Variants in DAPK3 observed in about 807,000 individuals in gnomAD.
The protein encoded by DAPK3 is death associated protein kinase 3.
In DAPK3, 24 loss-of-function variants were observed where a neutral mutation model predicts 30.6. That is an observed-to-expected ratio of 0.78 (90% CI 0.57 to 1.10). The LOEUF is 1.10. Among genes scored for constraint, DAPK3 ranks in the 50% least tolerant of loss-of-function variants. DAPK3 has a pLI of 0.00. For synonymous variants in DAPK3, 341 were observed against 284.0 expected (o/e 1.20, Z -2.02); for missense variants, 629 against 657.3 (o/e 0.96, Z 0.47).
chr19:3,968,858 T>G (rs765551614), intron 2 of DAPK3, among the ~76,000 whole-genome samples: 6 of 152,072 alleles, frequency 3.9e-5, no homozygotes, highest in Non-Finnish European at 7.4e-5. Flanking sequence ...ACTCACCAAA[T>G]AAGGCTGGAG....
intron 7 of DAPK3, among the ~76,000 whole-genome samples, chr19:3,960,474 C>T (rs1291113612): frequency 6.6e-6 from 1 of 152,030 alleles, no homozygotes; most frequent in East Asian, 1.9e-4. Flanking sequence ...TAAAAGTTTG[C>T]TAAAAACACA....
chr19:3,959,841 T>G, intron 8 of DAPK3: 2 of 664,572 alleles, frequency 3.0e-6, no homozygotes, highest in Non-Finnish European at 2.5e-6. Flanking sequence ...TCAGCCCCGT[T>G]GGACACACAC....
intron 7 of DAPK3, 122 bp from the exon 8 acceptor site, chr19:3,960,226 A>G: frequency 1.5e-6 from 1 of 652,484 alleles, no homozygotes; most frequent in Non-Finnish European, 2.8e-6. Context: ...TCAGCCAACC[A>G]CAGAAGCTGA....
At chr19:3,965,922 G>A (rs529286824) in intron 2 of DAPK3, among the ~76,000 whole-genome samples, 1 of 151,996 alleles carries the variant, frequency 6.6e-6, no homozygotes, top group South Asian at 2.1e-4. Context: ...CCAAGTAGGT[G>A]GGACTACAGG....
intron 6 of DAPK3, among the ~76,000 whole-genome samples, chr19:3,962,787 C>CGA (rs1555682288): frequency 1.5e-5 from 1 of 68,086 alleles, no homozygotes; most frequent in Non-Finnish European, 2.6e-5. Flanking sequence ...AACTCTGTCT[C>CGA]AAAAAAAAAA....
intron 1 of DAPK3, 45 bp from the exon 2 acceptor site, chr19:3,969,874 C>T (rs754957048): frequency 1.2e-5 from 8 of 641,748 alleles, no homozygotes; most frequent in Non-Finnish European, 2.0e-5. Context: ...TGAGACACCA[C>T]CCTTTTCTCC....
At chr19:3,966,660 C>T (rs150648283) in intron 2 of DAPK3, among the ~76,000 whole-genome samples, 1,674 of 152,254 alleles carry the variant, frequency 0.011, 33 homozygotes, top group African/African-American at 0.038. Flanking sequence ...ACTTCGGCCC[C>T]GGGGACACAG....
chr19:3,965,176 C>CCCCA (rs1173460640), intron 2 of DAPK3, among the ~76,000 whole-genome samples, 185 bp from the exon 3 acceptor site: 4 of 152,228 alleles, frequency 2.6e-5, no homozygotes, highest in Non-Finnish European at 4.4e-5. Flanking sequence ...TTCCTTAGCG[C>CCCCA]CCCACACCAT....
chr19:3,969,736 G>A lies in DAPK3; in HGVS notation c.-1C>T, dbSNP rs751377500. The A allele has an allele frequency of 1.2e-6, 2 of 1,610,578 alleles. No individual in the cohort carries two copies. The highest frequency in any genetic ancestry group is 2.2e-5 in the South Asian group (2 of 91,038). On this transcript the variant is annotated 5_prime_UTR_variant, in exon 2 of 9. Coordinates refer to ENST00000545797, the MANE Select transcript of DAPK3 (RefSeq NM_001348.3). The stretch of plus-strand genomic sequence containing the variant: ...CGTCCTCCTGCCTGAACGTGGACAT[G>A]GCGGCCGGTCCGCCTTCCAGCAGCT...
rs746378023 is a variant in DAPK3, at chr19:3,964,418, ACC to A, written c.424-47_424-46del. ...AGCAGGGAAAGCACGGGCCTCCCCCACCCTCACCCCCACGCTCCCCAAACCTC... is the reference window on the plus strand; with the variant it reads ...AGCAGGGAAAGCACGGGCCTCCCCCACTCACCCCCACGCTCCCCAAACCTC... On this transcript the variant is annotated intron_variant, in intron 3 of 8. Coordinates refer to ENST00000545797, the MANE Select transcript of DAPK3 (RefSeq NM_001348.3). 7 of 864,704 alleles carry A rather than the reference ACC, an allele frequency of 8.1e-6. No homozygotes were observed. In the African/African-American group the frequency reaches 9.9e-5, roughly 12 times the overall value. 53.6% of individuals were successfully genotyped at this position (864,704 alleles called of 1,614,324 possible). A position where few individuals can be genotyped will look rare whatever the true frequency, so the allele number is the denominator to read the frequency against.
At chr19:3,965,092 C>T in intron 2 of DAPK3, 101 bp from the exon 3 acceptor site, 7 of 669,846 alleles carry the variant, frequency 1.0e-5, no homozygotes, top group Non-Finnish European at 1.9e-5. Context: ...TTGGGCGCGG[C>T]CCTGCACCAG....
chr19:3,960,984 C>T (rs766517402), intron 7 of DAPK3, 25 bp downstream of exon 7: 28 of 1,611,072 alleles, frequency 1.7e-5, no homozygotes, highest in Admixed American at 3.3e-5. Context: ...TGTCCCACCC[C>T]GTGCCCCCTG....
chr19:3,968,737 G>C (rs1401677569), intron 2 of DAPK3, among the ~76,000 whole-genome samples: 1 of 152,208 alleles, frequency 6.6e-6, no homozygotes, highest in Non-Finnish European at 1.5e-5. Flanking sequence ...AGGGACCTCA[G>C]GATCCCAAAA....
In DAPK3 at chr19:3,966,693, A is replaced by T. The variant is rs549799676; in HGVS notation, c.63-1702T>A. On this transcript the variant is annotated intron_variant, in intron 2 of 8. Coordinates refer to ENST00000545797, the MANE Select transcript of DAPK3 (RefSeq NM_001348.3). ...CAGGGCACCATATGCACCAGCACCCAGTCACACCTGCGGCCGCTGCACACC... is the reference window on the plus strand; with the variant it reads ...CAGGGCACCATATGCACCAGCACCCTGTCACACCTGCGGCCGCTGCACACC... Among the ~76,000 whole-genome samples the T allele has an allele frequency of 1.6e-3, 238 of 152,304 alleles. 1 individual carries two copies. Among genetic ancestry groups the T allele is most frequent in the African/African-American group, 5.5e-3 (227 of 41,582 alleles).
At chr19:3,960,008 C>G in intron 8 of DAPK3, 51 bp downstream of exon 8, 2 of 1,031,578 alleles carry the variant, frequency 1.9e-6, no homozygotes, top group South Asian at 2.5e-5. Flanking sequence ...GGGACCCCAG[C>G]GAGAAGGCCA....
chr19:3,964,849 G>T lies in DAPK3; in HGVS notation c.205C>A (p.Arg69=), dbSNP rs759587748. The T allele has an allele frequency of 3.5e-5, 56 of 1,612,506 alleles. 1 individual carries two copies. The Admixed American group carries it at 5.0e-4, about 14-fold the overall frequency. Residue 69 remains arginine (R), a synonymous_variant, in exon 3 of 9, where the codon CGG becomes AGG. Transcript: ENST00000545797. ...EEIEREVNIL[R]EIRHPNIITL... ...ATGATGTTGGGGTGCCGGATCTCCC[G>T]CAGGATGTTCACCTCCCGCTCGATC...
At chr19:3,960,252 G>A (rs2039494497) in intron 7 of DAPK3, 148 bp from the exon 8 acceptor site, 3 of 612,410 alleles carry the variant, frequency 4.9e-6, no homozygotes, top group Non-Finnish European at 8.8e-6. Flanking sequence ...GGTACTGCAG[G>A]GAGCGTGGGG....
intron 6 of DAPK3, 191 bp from the exon 7 acceptor site, chr19:3,961,352 ACCC>A: frequency 2.9e-6 from 2 of 698,744 alleles, no homozygotes; most frequent in Middle Eastern, 2.8e-4. Flanking sequence ...TTCAAAATCC[ACCC>A]CCCCACCCCG....
Position 3,963,651 on chromosome 19 carries a change from G to C in DAPK3, c.621C>G (p.Thr207=). Residue 207 remains threonine, a synonymous_variant, in exon 6 of 9, where the codon ACC becomes ACG. Coordinates refer to ENST00000545797, the MANE Select transcript of DAPK3 (RefSeq NM_001348.3). ...CCCCGCCAGGTACTCACAGGATATAGGTGATGACACCGATGCTCCTGGGGA... is the reference window on the plus strand; with the variant it reads ...CCCCGCCAGGTACTCACAGGATATACGTGATGACACCGATGCTCCTGGGGA... The part of the protein sequence containing the change: ...EADMWSIGVI[T]YILLSGASPF... 1 of 1,536,080 alleles carries C rather than the reference G, an allele frequency of 6.5e-7. No individual in the cohort carries two copies. The highest frequency in any genetic ancestry group is 8.7e-7 in the Non-Finnish European group (1 of 1,143,400).
Sources: gnomAD v4.1 joint callset for allele counts (sites outside exome capture counted in the v4.1 genomes callset) on GRCh38, gnomAD v4.1.1 for gene constraint, MANE v1.5 for transcripts, NCBI Gene and HGNC (gene_info 2026-07-23, HGNC 2026-07-21) for gene names.